Variants in RASGRF2 observed in about 807,000 individuals in gnomAD.
The protein encoded by RASGRF2 is Ras protein specific guanine nucleotide releasing factor 2, also known as ras-specific guanine nucleotide-releasing factor 2.
A neutral mutation model predicts 151.0 loss-of-function variants in RASGRF2; 76 were observed. The observed-to-expected ratio is 0.50, with a 90% CI of 0.42 to 0.61. RASGRF2 has a LOEUF of 0.61. Ranked by LOEUF, RASGRF2 falls within the 20% of genes least tolerant of loss-of-function variation. RASGRF2 has a pLI of 0.00. For synonymous variants in RASGRF2, 504 were observed against 566.5 expected, an observed-to-expected ratio of 0.89 and a Z score of 1.57; for missense variants, 1,148 against 1,564.6, an observed-to-expected ratio of 0.73 and a Z score of 4.49.
intron 1 of RASGRF2, among the ~76,000 whole-genome samples, chr5:80,972,784 T>C (rs1203076905): frequency 6.6e-6 from 1 of 152,206 alleles, no homozygotes; most frequent in Non-Finnish European, 1.5e-5. Context: ...CAGCCTGTTC[T>C]CTGTTTCGAA....
At chr5:80,962,389 A>AT (rs1286175085) in intron 1 of RASGRF2, among the ~76,000 whole-genome samples, 1 of 145,262 alleles carries the variant, frequency 6.9e-6, no homozygotes, top group African/African-American at 2.7e-5. Context: ...TTGAGGAAAC[A>AT]TTTTTTTTCA....
intron 2 of RASGRF2, among the ~76,000 whole-genome samples, chr5:81,060,717 C>T (rs1293467174): frequency 6.6e-6 from 1 of 152,176 alleles, no homozygotes; most frequent in Non-Finnish European, 1.5e-5. Context: ...AATCATGTTA[C>T]TTATAATCCC....
chr5:80,967,353 A>G (rs1043335524), intron 1 of RASGRF2, among the ~76,000 whole-genome samples: 1 of 152,054 alleles, frequency 6.6e-6, no homozygotes, highest in Non-Finnish European at 1.5e-5. Context: ...ACGCCATTAC[A>G]CTCCAGCCTG....
intron 9 of RASGRF2, 26 bp downstream of exon 9, chr5:81,086,979 G>T: frequency 6.4e-7 from 1 of 1,567,058 alleles, no homozygotes; most frequent in South Asian, 1.1e-5. Context: ...ATGGACCCGC[G>T]ACCTGATGCG....
intron 9 of RASGRF2, among the ~76,000 whole-genome samples, chr5:81,091,565 C>T (rs1166127872): frequency 1.3e-5 from 2 of 152,158 alleles, no homozygotes; most frequent in Admixed American, 6.5e-5. Context: ...ACTTGGGTCT[C>T]TTGCCACCCT....
intron 2 of RASGRF2, among the ~76,000 whole-genome samples, chr5:81,052,067 T>C (rs941485529): frequency 6.6e-6 from 1 of 152,212 alleles, no homozygotes; most frequent in African/African-American, 2.4e-5. Context: ...TTAATATAGT[T>C]GTATCTGTAT....
intron 18 of RASGRF2, among the ~76,000 whole-genome samples, chr5:81,180,930 C>T (rs1357671073): frequency 6.6e-6 from 1 of 151,620 alleles, no homozygotes; most frequent in Non-Finnish European, 1.5e-5. Flanking sequence ...TGCCACTTTG[C>T]CCCCCTGATG....
intron 18 of RASGRF2, among the ~76,000 whole-genome samples, chr5:81,187,295 A>C (rs1178094117): frequency 6.6e-6 from 1 of 152,250 alleles, no homozygotes; most frequent in Non-Finnish European, 1.5e-5. Context: ...AAAAAGCTGG[A>C]GTTTTAATGT....
chr5:81,016,270 G>C (rs1749634064), intron 1 of RASGRF2, among the ~76,000 whole-genome samples: 1 of 152,188 alleles, frequency 6.6e-6, no homozygotes, highest in Non-Finnish European at 1.5e-5. Flanking sequence ...TGGGGATTAT[G>C]ACTTAAGCCC....
chr5:81,173,285 G>A (rs1208314754), intron 17 of RASGRF2, among the ~76,000 whole-genome samples: 1 of 152,130 alleles, frequency 6.6e-6, no homozygotes, highest in Non-Finnish European at 1.5e-5. Flanking sequence ...GGCTGAGACA[G>A]GAGAATTGCT....
chr5:81,173,227 A>C (rs1350386348), intron 17 of RASGRF2, among the ~76,000 whole-genome samples: 1 of 152,096 alleles, frequency 6.6e-6, no homozygotes. Flanking sequence ...AAATACAAAA[A>C]ATTAGGCAGG....
intron 23 of RASGRF2, among the ~76,000 whole-genome samples, chr5:81,215,608 G>A (rs191516992): frequency 3.3e-5 from 5 of 152,166 alleles, no homozygotes; most frequent in African/African-American, 1.2e-4. Context: ...TTTTCTATCC[G>A]TTGCAGTGTT....
intron 1 of RASGRF2, among the ~76,000 whole-genome samples, chr5:81,031,126 C>A (rs538312997): frequency 4.6e-5 from 7 of 152,236 alleles, no homozygotes; most frequent in Admixed American, 2.6e-4. Context: ...TGCACCCAAT[C>A]CAGGAGCACC....
intron 23 of RASGRF2, among the ~76,000 whole-genome samples, chr5:81,213,487 G>A (rs1755668332): frequency 6.6e-6 from 1 of 152,136 alleles, no homozygotes; most frequent in South Asian, 2.1e-4. Context: ...GTTGGTGAGG[G>A]GAATCTACAG....
chr5:80,989,751 T>C (rs1447873019), intron 1 of RASGRF2, among the ~76,000 whole-genome samples: 2 of 152,202 alleles, frequency 1.3e-5, no homozygotes, highest in Non-Finnish European at 2.9e-5. Context: ...ACTATATTCT[T>C]GGATTTTGAA....
At chr5:80,974,137 G>C (rs559491979) in intron 1 of RASGRF2, among the ~76,000 whole-genome samples, 1 of 152,154 alleles carries the variant, frequency 6.6e-6, no homozygotes, top group Non-Finnish European at 1.5e-5. Flanking sequence ...ATGAATGGTG[G>C]GTTCCATCAG....
chr5:81,115,534 C>T (rs1753127333), intron 15 of RASGRF2, among the ~76,000 whole-genome samples: 1 of 152,284 alleles, frequency 6.6e-6, no homozygotes, highest in East Asian at 1.9e-4. Context: ...AGTTTTTTCA[C>T]CTTCTTTACT....
rs1028463370 is a variant in RASGRF2 at position 80,975,643 on chromosome 5, G to A, written c.288+14617G>A. Among the ~76,000 whole-genome samples the A allele has an allele frequency of 6.6e-5, 10 of 152,070 alleles. 1 individual carries two copies. On this transcript the variant is annotated intron_variant, in intron 1 of 26. Coordinates refer to ENST00000265080, the MANE Select transcript of RASGRF2 (RefSeq NM_006909.3). ...CAAAAGAAAAGAAAAATATCATTTT[G>A]TAGTCATAAGACATTTTACAGCTAT...
chr5:81,109,055 A>G lies in RASGRF2; in HGVS notation c.1815A>G (p.Lys605=). The G allele has an allele frequency of 6.2e-7, 1 of 1,611,268 alleles. No homozygotes were observed. The highest frequency in any genetic ancestry group is 1.1e-5 in the South Asian group (1 of 90,970). ...LMTIVFEENS[K]VTVPHMIKSD... ...CTATAGTGTTTGAAGAGAATTCCAA[A>G]GTCACTGTGCCACATATGATTAAGT... Residue 605 remains lysine, a synonymous_variant, in exon 13 of 27, where the codon AAA becomes AAG. Coordinates refer to ENST00000265080, the MANE Select transcript of RASGRF2 (RefSeq NM_006909.3).
Sources: allele counts gnomAD v4.1 joint callset (sites outside exome capture counted in the v4.1 genomes callset), GRCh38; gene constraint gnomAD v4.1.1; transcripts MANE v1.5; gene names NCBI Gene and HGNC (gene_info 2026-07-23, HGNC 2026-07-21).